The following MORC4 variants were observed in gnomAD, a reference collection of about 807,000 sequenced individuals.
MORC4 encodes the protein MORC family CW-type zinc finger protein 4.
Under a neutral mutation model 65.5 loss-of-function variants are expected in MORC4, and 22 were observed. The observed-to-expected ratio is 0.34, with a 90% CI of 0.24 to 0.48. The LOEUF (loss-of-function observed/expected upper bound fraction) is 0.48. Ranked by LOEUF, MORC4 falls within the 20% of genes least tolerant of loss-of-function variation. The pLI is 0.99. For synonymous variants in MORC4, 267 were observed against 255.8 expected (o/e 1.04, Z -0.42); for missense variants, 624 against 703.0 (o/e 0.89, Z 1.27).
chrX:106,941,466 T>C lies in MORC4; in HGVS notation c.*13A>G. On this transcript the variant is annotated 3_prime_UTR_variant, in exon 17 of 17. Transcript: ENST00000355610. ...CAGAAGATAAGAGAAGAGAAGGGTATACAGTCTGGTGCTCAATCCAGTATG... is the reference window on the plus strand; with the variant it reads ...CAGAAGATAAGAGAAGAGAAGGGTACACAGTCTGGTGCTCAATCCAGTATG... 1 of 1,184,315 alleles carries C rather than the reference T, an allele frequency of 8.4e-7. No homozygotes were observed. Among genetic ancestry groups the C allele is most frequent in the Non-Finnish European group, 1.1e-6 (1 of 876,177 alleles).
intron 14 of MORC4, among the ~76,000 whole-genome samples, chrX:106,949,709 T>C (rs892421206): frequency 8.9e-6 from 1 of 112,741 alleles, no homozygotes; most frequent in Non-Finnish European, 1.9e-5. Context: ...GGCCACTTAT[T>C]AGTTAAAGGT....
Position 106,940,919 on chromosome X carries a change from G to A in MORC4, c.*560C>T, listed in dbSNP as rs1933657120. Reference sequence around the variant, plus strand: ...AGCCTTAATTTAGGTCCCATTTCTGGTGTGGTGCCTTCCTTGAACTTCCTC... The same window carrying A: ...AGCCTTAATTTAGGTCCCATTTCTGATGTGGTGCCTTCCTTGAACTTCCTC... On this transcript the variant is annotated 3_prime_UTR_variant, in exon 17 of 17. Transcript: ENST00000355610. The A allele has an allele frequency of 9.0e-6, 1 of 111,321 alleles. No individual in the cohort carries two copies. The allele number at this position is 111,321 out of a possible 1,213,427, so 9.2% of individuals were successfully genotyped here.
chrX:106,998,723 T>C (rs1935121554), intron 2 of MORC4, among the ~76,000 whole-genome samples: 1 of 112,185 alleles, frequency 8.9e-6, no homozygotes, highest in Admixed American at 9.4e-5. Context: ...CATTCCGTGT[T>C]ATGGTTAATC....
Position 106,985,210 on chromosome X carries a change from C to A in MORC4, c.560G>T (p.Ser187Ile). ...KMIITEDSLP[S>I]LEAILNYSIF... ...GGAATAGTTCAAGATGGCTTCTAGGCTGGGCAATGAATCCTCGGTAATAAT... is the reference window on the plus strand; with the variant it reads ...GGAATAGTTCAAGATGGCTTCTAGGATGGGCAATGAATCCTCGGTAATAAT... The change falls in exon 5 of 17, where the codon AGC (serine) becomes ATC (isoleucine). Residue 187 changes from serine to isoleucine, a missense_variant. Physicochemically the swap from Ser to Ile is moderately radical, Grantham distance 142. Coordinates refer to ENST00000355610, the MANE Select transcript of MORC4 (RefSeq NM_024657.5). 1 of 1,183,159 alleles carries A rather than the reference C, an allele frequency of 8.5e-7. No homozygotes were observed.
rs1296489959 is a variant in MORC4, at chrX:106,942,635, A to G, written c.2256T>C (p.Tyr752=). The part of the protein sequence containing the change: ...AAAIGEKARG[Y]EESEGHNTPK... ...GTGTATTATGACCTTCGCTCTCCTC[A>G]TAGCCTCTTGCTTTCTCCCCAATGG... The change falls in exon 15 of 17, where the codon TAT becomes TAC. Residue 752 remains tyrosine, a synonymous_variant. Coordinates refer to ENST00000355610, the MANE Select transcript of MORC4 (RefSeq NM_024657.5). 3 of 1,209,437 alleles carry G rather than the reference A, an allele frequency of 2.5e-6. No individual in the cohort carries two copies. The highest frequency in any genetic ancestry group is 2.2e-5 in the Admixed American group (1 of 45,682).
intron 3 of MORC4, among the ~76,000 whole-genome samples, chrX:106,991,013 TAGG>T (rs1396427551): frequency 2.7e-5 from 3 of 112,021 alleles, no homozygotes; most frequent in Middle Eastern, 4.6e-3. Context: ...ATTTTTTAAA[TAGG>T]AGGAACAATT....
rs976802216 is a variant in MORC4 at position 106,947,558 on chromosome X, CTATATATATATATTATATATA to C, written c.1686-4374_1686-4354del. Among the ~76,000 whole-genome samples, 249 of 64,885 alleles carry C rather than the reference CTATATATATATATTATATATA, an allele frequency of 3.8e-3. 2 individuals are homozygous for C. Among genetic ancestry groups the C allele is most frequent in the Non-Finnish European group, 5.6e-3 (209 of 37,053 alleles). The allele number at this position is 64,885 out of a possible 115,157, so 56.3% of individuals were successfully genotyped here. A position where few individuals can be genotyped will look rare whatever the true frequency, so the allele number is the denominator to read the frequency against. ...ATATATATATATACCTGTAGTTAAT[CTATATATATATATTATATATA>C]TATATATATATAATATATATATATA... On this transcript the variant is annotated intron_variant, in intron 14 of 16. Transcript: ENST00000355610.
At chrX:106,981,076 C>A in intron 6 of MORC4, 57 bp from the exon 7 acceptor site, 1 of 1,170,122 alleles carries the variant, frequency 8.5e-7, no homozygotes, top group Non-Finnish European at 1.2e-6. Flanking sequence ...ATTCTGCTGA[C>A]ATCCCCATAA....
At chrX:106,941,763 G>T in intron 16 of MORC4, 131 bp from the exon 17 acceptor site, 1 of 821,555 alleles carries the variant, frequency 1.2e-6, no homozygotes, top group Non-Finnish European at 1.7e-6. Flanking sequence ...AAAGAAGAAA[G>T]CACAACGCCA....
At chrX:106,954,416 TATACTA>T (rs757218275) in intron 14 of MORC4, among the ~76,000 whole-genome samples, 1 of 112,394 alleles carries the variant, frequency 8.9e-6, no homozygotes, top group African/African-American at 3.2e-5. Context: ...ATGCTAAACT[TATACTA>T]ATAATTTATT....
chrX:106,981,181 T>A (rs147796414), intron 6 of MORC4, among the ~76,000 whole-genome samples, 162 bp from the exon 7 acceptor site: 242 of 111,715 alleles, frequency 2.2e-3, no homozygotes, highest in Non-Finnish European at 2.7e-3. Context: ...AAAGTACTGC[T>A]GACTATATTA....
chrX:106,997,576 A>G (rs976172117), intron 2 of MORC4, among the ~76,000 whole-genome samples: 3 of 112,435 alleles, frequency 2.7e-5, no homozygotes, highest in Non-Finnish European at 5.6e-5. Context: ...TAACCTTGGA[A>G]AAGTCAACTA....
At chrX:106,993,564 C>T (rs1488432141) in intron 2 of MORC4, among the ~76,000 whole-genome samples, 2 of 112,129 alleles carry the variant, frequency 1.8e-5, no homozygotes, top group Non-Finnish European at 3.8e-5. Context: ...AGTTCTAAAG[C>T]TGATTTCCAG....
chrX:106,941,837 G>A (rs749009169), intron 16 of MORC4, 101 bp downstream of exon 16: 1 of 951,428 alleles, frequency 1.1e-6, no homozygotes, highest in African/African-American at 2.0e-5. Context: ...GGTGGCCTGT[G>A]AATTAAGGCT....
intron 9 of MORC4, among the ~76,000 whole-genome samples, chrX:106,964,015 G>T (rs773694605): frequency 9.1e-6 from 1 of 110,333 alleles, no homozygotes; most frequent in African/African-American, 3.3e-5. Context: ...AAGACAGGGC[G>T]GCCCACTCAA....
rs1933734583 is a variant in MORC4, at chrX:106,943,050, T to G, written c.1841A>C (p.Lys614Thr). The G allele has an allele frequency of 8.3e-7, 1 of 1,209,658 alleles. No individual in the cohort carries two copies. The highest frequency in any genetic ancestry group is 1.8e-5 in the African/African-American group (1 of 57,066). The change falls in exon 15 of 17, where the codon AAA becomes ACA. Residue 614 changes from lysine to threonine, a missense_variant. Coordinates refer to ENST00000355610, the MANE Select transcript of MORC4 (RefSeq NM_024657.5). Reference sequence around the variant, plus strand: ...TGGTGTACTTCTCTCAGAACTCGATTTATCATGGCTGTTCTCCCCTTCTGG... The same window carrying G: ...TGGTGTACTTCTCTCAGAACTCGATGTATCATGGCTGTTCTCCCCTTCTGG... ...AYPEGENSHD[K>T]SSSERSTPPY...
chrX:106,984,465 CTTTTTT>C (rs762110163), intron 5 of MORC4, among the ~76,000 whole-genome samples: 16 of 71,375 alleles, frequency 2.2e-4, no homozygotes, highest in South Asian at 1.6e-3. Context: ...TTTCTTTTTT[CTTTTTT>C]TTTTTTTTTT....
At chrX:106,952,067 T>C (rs1254062291) in intron 14 of MORC4, among the ~76,000 whole-genome samples, 1 of 102,485 alleles carries the variant, frequency 9.8e-6, no homozygotes, top group Non-Finnish European at 2.0e-5. Flanking sequence ...ATATTGGGGA[T>C]ACTTACATAT....
In MORC4 at chrX:106,956,819, A is replaced by G. The variant is rs1233797605; in HGVS notation, c.1454+117T>C. 5.7e-6 allele frequency: 3 copies of G among 528,840 alleles called. No individual in the cohort carries two copies. The African/African-American group carries it at 7.0e-5, about 12-fold the overall frequency. 43.6% of individuals were successfully genotyped at this position (528,840 alleles called of 1,213,427 possible). On this transcript the variant is annotated intron_variant, in intron 12 of 16. Coordinates refer to ENST00000355610, the MANE Select transcript of MORC4 (RefSeq NM_024657.5). ...AAAGAACTGGGAGAGCAGAGAGGTG[A>G]GGAGGGAAATTATTTAAGAACCAAA...
Sources: allele counts gnomAD v4.1 joint callset (sites outside exome capture counted in the v4.1 genomes callset), GRCh38; gene constraint gnomAD v4.1.1; transcripts MANE v1.5; gene names NCBI Gene and HGNC (gene_info 2026-07-23, HGNC 2026-07-21).